NIPSNAP2: variants seen among roughly 807,000 people sequenced by gnomAD.
NIPSNAP2 encodes protein NipSnap homolog 2.
NIPSNAP2 carries 42 observed loss-of-function variants against 48.4 expected under a neutral mutation model. The ratio of observed to expected loss-of-function variants is 0.87; its 90% confidence interval spans 0.68 to 1.12. The LOEUF is 1.12. NIPSNAP2 is among the 50% of genes most tolerant of loss of function. NIPSNAP2 has a pLI of 0.00. For missense variants in NIPSNAP2, 314 were observed against 347.3 expected (o/e 0.90, Z 0.76); for synonymous variants, 158 against 126.6 (o/e 1.25, Z -1.67).
Position 55,983,766 on chromosome 7 carries a change from T to C in NIPSNAP2, c.483T>C (p.Leu161=), listed in dbSNP as rs925150584. 1 of 1,614,146 alleles carries C rather than the reference T, an allele frequency of 6.2e-7. No individual in the cohort carries two copies. Among genetic ancestry groups the C allele is most frequent in the African/African-American group, 1.3e-5 (1 of 75,056 alleles). ...TTCGTAAGGCAAGAAGTGACATGCT[T>C]CTCTCCAGGAAGAATCAGCTCCTGT... ...LEFRKARSDM[L]LSRKNQLLLE... is the part of the protein sequence containing the mutation. The change falls in exon 6 of 10, where the codon CTT becomes CTC. Residue 161 remains leucine, a synonymous_variant. Transcript: ENST00000322090.
In NIPSNAP2 at chr7:55,999,864, C is replaced by G. The variant is rs1486864381; in HGVS notation, c.*792C>G. On this transcript the variant is annotated 3_prime_UTR_variant, in exon 10 of 10. Coordinates refer to ENST00000322090, the MANE Select transcript of NIPSNAP2 (RefSeq NM_001483.3). ...ACGATCATTTGTGACCTCAGACACT[C>G]TCTGGCTAATATTTTAATAAGCTCA... 1 of 152,552 alleles carries G rather than the reference C, an allele frequency of 6.6e-6. No individual in the cohort carries two copies. The highest frequency in any genetic ancestry group is 1.5e-5 in the Non-Finnish European group (1 of 68,036). The allele number at this position is 152,552 out of a possible 1,614,324, so 9.4% of individuals were successfully genotyped here.
At chr7:55,996,063 G>A (rs1787556358) in intron 8 of NIPSNAP2, among the ~76,000 whole-genome samples, 1 of 152,120 alleles carries the variant, frequency 6.6e-6, no homozygotes, top group Non-Finnish European at 1.5e-5. Flanking sequence ...CGAGGCAGGT[G>A]GATCATCTGA....
chr7:55,979,583 A>G, intron 3 of NIPSNAP2: 1 of 351,556 alleles, frequency 2.8e-6, no homozygotes, highest in Non-Finnish European at 5.6e-6. Flanking sequence ...CTCTCTCTCC[A>G]AGCCTCTCGA....
intron 3 of NIPSNAP2, chr7:55,979,858 G>A (rs1787176569): frequency 2.2e-6 from 1 of 456,518 alleles, no homozygotes; most frequent in South Asian, 1.5e-5. Flanking sequence ...CTGGGTACAA[G>A]TACTGCCTGC....
chr7:55,978,090 A>T (rs899485990), intron 1 of NIPSNAP2, 36 bp from the exon 2 acceptor site: 2 of 1,611,192 alleles, frequency 1.2e-6, no homozygotes, highest in African/African-American at 2.7e-5. Flanking sequence ...ATATGAAAAC[A>T]GTATACTGCG....
intron 1 of NIPSNAP2, among the ~76,000 whole-genome samples, chr7:55,974,113 TAGTC>T (rs1787062502): frequency 6.6e-6 from 1 of 151,834 alleles, no homozygotes; most frequent in African/African-American, 2.4e-5. Context: ...TAGTCCCAGA[TAGTC>T]AGGAGGCTGA....
At chr7:55,993,896 C>G (rs1349813759) in intron 7 of NIPSNAP2, among the ~76,000 whole-genome samples, 2 of 150,806 alleles carry the variant, frequency 1.3e-5, no homozygotes, top group African/African-American at 4.9e-5. Flanking sequence ...CTTTGGTACT[C>G]ATTTTCTGAA....
At chr7:55,969,849 G>A (rs558461709) in intron 1 of NIPSNAP2, among the ~76,000 whole-genome samples, 97 of 152,116 alleles carry the variant, frequency 6.4e-4, no homozygotes, top group African/African-American at 2.2e-3. Flanking sequence ...CGGGCGTGGT[G>A]GTGGGCGCCT....
At chr7:55,965,086 C>T (rs1048525577) in intron 1 of NIPSNAP2, 8 of 153,224 alleles carry the variant, frequency 5.2e-5, no homozygotes, top group Admixed American at 5.2e-4. Flanking sequence ...TGGGTCCTCG[C>T]CGGAGGCTGT....
chr7:55,997,398 C>A lies in NIPSNAP2; in HGVS notation c.745C>A (p.Arg249=). Reference sequence around the variant, plus strand: ...GGATCTTCAGACCAGGGAAGACATACGGAATGCAGCATGGCACAAACATGG... The same window carrying A: ...GGATCTTCAGACCAGGGAAGACATAAGGAATGCAGCATGGCACAAACATGG... ...YRDLQTREDI[R]NAAWHKHGWE... Residue 249 remains arginine (R), a synonymous_variant, in exon 9 of 10, where the codon CGG becomes AGG. Coordinates refer to ENST00000322090, the MANE Select transcript of NIPSNAP2 (RefSeq NM_001483.3). 6.2e-7 allele frequency: 1 copy of A among 1,613,700 alleles called. No individual in the cohort carries two copies. The highest frequency in any genetic ancestry group is 8.5e-7 in the Non-Finnish European group (1 of 1,179,712).
At chr7:55,971,651 A>G (rs1307917363) in intron 1 of NIPSNAP2, among the ~76,000 whole-genome samples, 1 of 151,890 alleles carries the variant, frequency 6.6e-6, no homozygotes, top group Admixed American at 6.6e-5. Context: ...TTTTTTGTAG[A>G]GACAGGGTCT....
At chr7:55,995,057 A>T in intron 8 of NIPSNAP2, 69 bp downstream of exon 8, 1 of 1,300,672 alleles carries the variant, frequency 7.7e-7, no homozygotes, top group East Asian at 2.3e-5. Context: ...TGGGAAGTAG[A>T]GCACATCTTG....
At chr7:55,966,116 G>T (rs1285450734) in intron 1 of NIPSNAP2, among the ~76,000 whole-genome samples, 2 of 152,186 alleles carry the variant, frequency 1.3e-5, no homozygotes, top group Admixed American at 1.3e-4. Context: ...GAAGAATTCA[G>T]AGCAGTTTAG....
At chr7:55,997,543 A>G (rs1046665984) in intron 9 of NIPSNAP2, 94 bp downstream of exon 9, 2 of 949,542 alleles carry the variant, frequency 2.1e-6, no homozygotes, top group Admixed American at 1.8e-5. Context: ...TTGTAATAGT[A>G]TGTTGCTAGG....
intron 7 of NIPSNAP2, among the ~76,000 whole-genome samples, chr7:55,994,549 C>T (rs552252227): frequency 6.6e-6 from 1 of 152,072 alleles, no homozygotes; most frequent in Admixed American, 6.6e-5. Flanking sequence ...CTTGTCTCTA[C>T]TAAAAATACA....
chr7:55,973,750 C>G (rs1015107675), intron 1 of NIPSNAP2, among the ~76,000 whole-genome samples: 1 of 151,874 alleles, frequency 6.6e-6, no homozygotes, highest in Admixed American at 6.6e-5. Flanking sequence ...TCCCAGAGAG[C>G]TGGGATTTAG....
In NIPSNAP2 at chr7:55,981,258, G is replaced by A. The variant is rs543836736; in HGVS notation, c.279-215G>A. The A allele has an allele frequency of 5.3e-5, 21 of 399,612 alleles. No homozygotes were observed. The South Asian group carries it at 8.5e-4, about 16-fold the overall frequency. The allele number at this position is 399,612 out of a possible 1,614,324, so 24.8% of individuals were successfully genotyped here. On this transcript the variant is annotated intron_variant, in intron 3 of 9. Coordinates refer to ENST00000322090, the MANE Select transcript of NIPSNAP2 (RefSeq NM_001483.3). ...ATTGAACAACTCTTCTAGATAGTTG[G>A]GGTATCAGAAACCTAAGCTTCTGAT... is the stretch of plus-strand genomic sequence containing the variant.
chr7:55,982,358 C>T, intron 5 of NIPSNAP2, 78 bp downstream of exon 5: 1 of 883,966 alleles, frequency 1.1e-6, no homozygotes, highest in South Asian at 1.6e-5. Context: ...TTTCTGTCTT[C>T]AGTTTTTGTT....
At chr7:55,981,800 G>A in intron 4 of NIPSNAP2, 3 of 438,536 alleles carry the variant, frequency 6.8e-6, no homozygotes, top group Non-Finnish European at 1.2e-5. Context: ...CAAAACATGG[G>A]GCATTACAGT....
Sources: gnomAD v4.1 joint callset for allele counts (sites outside exome capture counted in the v4.1 genomes callset) on GRCh38, gnomAD v4.1.1 for gene constraint, MANE v1.5 for transcripts, NCBI Gene and HGNC (gene_info 2026-07-23, HGNC 2026-07-21) for gene names.